MACROD2: variants seen among roughly 807,000 people sequenced by gnomAD.
MACROD2 encodes the protein ADP-ribose glycohydrolase MACROD2.
MACROD2 carries 36 observed loss-of-function variants against 70.4 expected under a neutral mutation model. That is an observed-to-expected ratio of 0.51 (90% CI 0.39 to 0.68). The LOEUF (loss-of-function observed/expected upper bound fraction) is 0.68. Among genes scored for constraint, MACROD2 ranks in the 30% least tolerant of loss-of-function variants. The pLI, the probability that MACROD2 is intolerant of heterozygous loss-of-function variation, is 0.00. For synonymous variants in MACROD2, 172 were observed against 178.8 expected (o/e 0.96, Z 0.30); for missense variants, 496 against 538.4 (o/e 0.92, Z 0.78).
rs190878950 is a variant in MACROD2 at position 14,286,180 on chromosome 20, A to C, written c.271+200452A>C. ...TTTAAAAATTACTATCAACATTATA[A>C]TAGTTTTAAAAATTGCATAGCTATT... is the stretch of plus-strand genomic sequence containing the variant. On this transcript the variant is annotated intron_variant, in intron 3 of 17. Coordinates refer to ENST00000684519, the MANE Select transcript of MACROD2 (RefSeq NM_001351661.2). Among the ~76,000 whole-genome samples the C allele has an allele frequency of 1.4e-3, 213 of 152,268 alleles. 1 individual carries two copies. Among genetic ancestry groups the C allele is most frequent in the Admixed American group, 2.4e-3 (36 of 15,284 alleles).
At position 13,995,698 on chromosome 20, in the gene MACROD2, C is replaced by T; in HGVS notation, c.-66C>T. 1 of 1,409,072 alleles carries T rather than the reference C, an allele frequency of 7.1e-7. No individual in the cohort carries two copies. Among genetic ancestry groups the T allele is most frequent in the African/African-American group, 1.4e-5 (1 of 70,844 alleles). The allele number at this position is 1,409,072 out of a possible 1,614,324, so 87.3% of individuals were successfully genotyped here. On this transcript the variant is annotated 5_prime_UTR_variant, in exon 1 of 18. Transcript: ENST00000684519. This position sits in a 1 kb window ranked among gnomAD's most constrained non-coding sequence, Gnocchi z 4.3. ...GCCCCCTCCCACCCCTCCCACTCCA[C>T]ACACACCCTGTTTGCCCGTGAGCCT... is the stretch of plus-strand genomic sequence containing the variant.
chr20:14,083,860 C>A (rs1395587147), intron 2 of MACROD2, among the ~76,000 whole-genome samples: 1 of 151,490 alleles, frequency 6.6e-6, no homozygotes, highest in Non-Finnish European at 1.5e-5. Flanking sequence ...GCGGGCAGAT[C>A]TTGAGGTCAG....
Position 15,986,813 on chromosome 20 carries a change from A to G in MACROD2, c.1060+12A>G. 6.3e-7 allele frequency: 1 copy of G among 1,585,754 alleles called. No homozygotes were observed. The highest frequency in any genetic ancestry group is 8.7e-7 in the Non-Finnish European group (1 of 1,155,066). ...TATGGAAACAGAAGGTACTGAAACC[A>G]AAATATATTGTTATCAGAGAATGAG... On this transcript the variant is annotated intron_variant, in intron 14 of 17. Coordinates refer to ENST00000684519, the MANE Select transcript of MACROD2 (RefSeq NM_001351661.2).
intron 5 of MACROD2, among the ~76,000 whole-genome samples, chr20:14,695,328 C>G (rs2071110957): frequency 6.6e-6 from 1 of 152,180 alleles, no homozygotes; most frequent in Admixed American, 6.5e-5. Context: ...CCCTGTTTCT[C>G]TCTGTCTTTA....
chr20:15,793,234 A>G (rs2063642021), intron 8 of MACROD2, among the ~76,000 whole-genome samples: 1 of 152,166 alleles, frequency 6.6e-6, no homozygotes, highest in East Asian at 1.9e-4. Context: ...TTCAGTGTGC[A>G]TCACAATCAC....
At position 14,133,952 on chromosome 20, in the gene MACROD2, T is replaced by C. The variant is rs148676825; in HGVS notation, c.271+48224T>C. On this transcript the variant is annotated intron_variant, in intron 3 of 17. Coordinates refer to ENST00000684519, the MANE Select transcript of MACROD2 (RefSeq NM_001351661.2). ...TGTGGAAATATAGAGTCCTATCTAT[T>C]TTGGCCCAGCTAGAGATAACTCTGA... is the stretch of plus-strand genomic sequence containing the variant. Among the ~76,000 whole-genome samples, 266 of 152,344 alleles carry C rather than the reference T, an allele frequency of 1.7e-3. 1 individual carries two copies. The highest frequency in any genetic ancestry group is 3.9e-3 in the Admixed American group (60 of 15,306).
chr20:15,204,192 A>T (rs761610384), intron 5 of MACROD2, among the ~76,000 whole-genome samples: 2 of 152,114 alleles, frequency 1.3e-5, no homozygotes, highest in Non-Finnish European at 2.9e-5. Flanking sequence ...TTAACTTCTC[A>T]ACTAGTTTTC....
chr20:14,558,741 G>A (rs779821504), intron 4 of MACROD2, among the ~76,000 whole-genome samples: 10 of 151,778 alleles, frequency 6.6e-5, no homozygotes, highest in Non-Finnish European at 1.2e-4. Flanking sequence ...CTTACTCCAC[G>A]TATAATAGTC....
chr20:14,380,421 T>C (rs2083410510), intron 3 of MACROD2, among the ~76,000 whole-genome samples: 1 of 152,090 alleles, frequency 6.6e-6, no homozygotes, highest in Non-Finnish European at 1.5e-5. Flanking sequence ...TTTGATGATA[T>C]CCAACTTGTC....
At chr20:14,052,525 C>T (rs955100880) in intron 2 of MACROD2, among the ~76,000 whole-genome samples, 1 of 152,038 alleles carries the variant, frequency 6.6e-6, no homozygotes, top group African/African-American at 2.4e-5. Flanking sequence ...ATTTCTCAGG[C>T]ATGAAGATGT....
intron 3 of MACROD2, among the ~76,000 whole-genome samples, chr20:14,357,575 T>C (rs945849985): frequency 2.0e-5 from 3 of 152,202 alleles, no homozygotes; most frequent in Non-Finnish European, 4.4e-5. Context: ...AAAAAAAAGA[T>C]TCTACTCACA....
chr20:14,934,464 A>G (rs529520998), intron 5 of MACROD2, among the ~76,000 whole-genome samples: 1 of 152,256 alleles, frequency 6.6e-6, no homozygotes, highest in East Asian at 1.9e-4. Flanking sequence ...CAGCAAAAAC[A>G]ACACATCTAA....
rs185467435 is a variant in MACROD2 at position 14,746,132 on chromosome 20, A to G, written c.418+61173A>G. On this transcript the variant is annotated intron_variant, in intron 5 of 17. Coordinates refer to ENST00000684519, the MANE Select transcript of MACROD2 (RefSeq NM_001351661.2). ...GTTAACTGACTCCTTTGGGAATGGA[A>G]AGAATGACAATGTTTCCTTCACCAT... Among the ~76,000 whole-genome samples, 26 of 152,272 alleles carry G rather than the reference A, an allele frequency of 1.7e-4. No individual in the cohort carries two copies. The East Asian group carries it at 5.0e-3, about 29-fold the overall frequency.
chr20:15,965,793 T>A (rs978474237), intron 12 of MACROD2, among the ~76,000 whole-genome samples: 6 of 152,176 alleles, frequency 3.9e-5, no homozygotes, highest in Non-Finnish European at 8.8e-5. Context: ...CAATTTGACA[T>A]AAGTTAGATA....
At position 15,313,234 on chromosome 20, in the gene MACROD2, C is replaced by T. The variant is rs146915592; in HGVS notation, c.540+83173C>T. ...TTAAAAAATGATATGCGGCCGTGTG[C>T]GGTGGCTCACACCTGTAATCCCAGC... On this transcript the variant is annotated intron_variant, in intron 6 of 17. Coordinates refer to ENST00000684519, the MANE Select transcript of MACROD2 (RefSeq NM_001351661.2). Among the ~76,000 whole-genome samples the T allele has an allele frequency of 3.9e-3, 593 of 152,112 alleles. 7 individuals carry two copies. Among genetic ancestry groups the T allele is most frequent in the African/African-American group, 0.014 (572 of 41,508 alleles).
chr20:15,666,727 T>C (rs926076110), intron 8 of MACROD2, among the ~76,000 whole-genome samples: 1 of 152,202 alleles, frequency 6.6e-6, no homozygotes, highest in African/African-American at 2.4e-5. Flanking sequence ...TTAGATTTAG[T>C]GCTTGCCCTC....
chr20:15,720,028 A>G (rs1448903777), intron 8 of MACROD2, among the ~76,000 whole-genome samples: 1 of 152,128 alleles, frequency 6.6e-6, no homozygotes, highest in African/African-American at 2.4e-5. Flanking sequence ...TTTAGCTCCT[A>G]CATATGAATG....
At chr20:15,670,327 T>G (rs2049962291) in intron 8 of MACROD2, among the ~76,000 whole-genome samples, 1 of 152,180 alleles carries the variant, frequency 6.6e-6, no homozygotes, top group Non-Finnish European at 1.5e-5. Flanking sequence ...GATGGTGTTG[T>G]CAAACAGAGG....
chr20:14,594,987 T>C (rs973937565), intron 4 of MACROD2, among the ~76,000 whole-genome samples: 39 of 152,128 alleles, frequency 2.6e-4, no homozygotes, highest in Admixed American at 5.9e-4. Context: ...TGTCTTTTTT[T>C]CCCCCTCTGG....
Sources: gnomAD v4.1 joint callset for allele counts (sites outside exome capture counted in the v4.1 genomes callset) on GRCh38, gnomAD v4.1.1 for gene constraint, Gnocchi (gnomAD v3.1) non-coding constraint, MANE v1.5 for transcripts, NCBI Gene and HGNC (gene_info 2026-07-23, HGNC 2026-07-21) for gene names.